RAB11FIP5: variants seen among roughly 807,000 people sequenced by gnomAD.
The protein encoded by RAB11FIP5 is rab11 family-interacting protein 5.
In RAB11FIP5, 48 loss-of-function variants were observed where a neutral mutation model predicts 85.1. The observed-to-expected ratio is 0.56, with a 90% confidence interval of 0.45 to 0.72. The LOEUF (loss-of-function observed/expected upper bound fraction) is 0.72, where lower values mean the gene tolerates loss of function less well. Ranked by LOEUF, RAB11FIP5 falls within the 30% of genes least tolerant of loss-of-function variation. The pLI is 0.00. For missense variants in RAB11FIP5, 1,491 were observed against 1,687.0 expected, an observed-to-expected ratio of 0.88 and a Z score of 2.04; for synonymous variants, 729 against 727.3, an observed-to-expected ratio of 1.00 and a Z score of -0.04.
Position 73,081,248 on chromosome 2 carries a change from G to T in RAB11FIP5, c.1984C>A (p.Pro662Thr), listed in dbSNP as rs1683972590. ...GCCAGGATCTCGCTCCTGGCCTCTG[G>T]ACGCAGCCTGCTGGCAGCAAAGACG... is the stretch of plus-strand genomic sequence containing the variant. ...FNVFAASRLR[P>T]EARSEILAPA... The change falls in exon 4 of 6, where the codon CCA (proline) becomes ACA (threonine). Residue 662 changes from proline to threonine, a missense_variant. Around this residue, in one of 3 missense-constraint regions of RAB11FIP5, gnomAD observed 1,211 missense variants for 1,338.0 expected, o/e 0.91. Coordinates refer to ENST00000486777, the MANE Select transcript of RAB11FIP5 (RefSeq NM_001371272.1). This position sits in a 1 kb window ranked among gnomAD's most constrained non-coding sequence, Gnocchi z 4.2. 2 of 1,232,340 alleles carry T rather than the reference G, an allele frequency of 1.6e-6. No homozygotes were observed. The highest frequency in any genetic ancestry group is 2.0e-6 in the Non-Finnish European group (2 of 988,150). 76.3% of individuals were successfully genotyped at this position (1,232,340 alleles called of 1,614,324 possible). A position where few individuals can be genotyped will look rare whatever the true frequency, so the allele number is the denominator to read the frequency against.
rs896533477 is a variant in RAB11FIP5, at chr2:73,075,947, C to T, written c.3771+46G>A. 1.7e-5 allele frequency: 27 copies of T among 1,579,128 alleles called. No individual in the cohort carries two copies. The highest frequency in any genetic ancestry group is 2.1e-5 in the Non-Finnish European group (24 of 1,158,234). ...TCACCAGGACCAAGCCCTGAGACTC[C>T]ACCACACATTCTGTCAGATGGCCCC... is the stretch of plus-strand genomic sequence containing the variant. On this transcript the variant is annotated intron_variant, in intron 5 of 5. Transcript: ENST00000486777. The surrounding 1 kb of genome is among the most constrained non-coding windows in gnomAD (Gnocchi z 4.6).
chr2:73,092,792 C>T (rs1241124674), intron 1 of RAB11FIP5, among the ~76,000 whole-genome samples: 2 of 152,154 alleles, frequency 1.3e-5, no homozygotes, highest in African/African-American at 2.4e-5. Flanking sequence ...TGGAGAATGG[C>T]CAGGACCTAC....
chr2:73,083,121 T>C (rs1253723947), intron 3 of RAB11FIP5, among the ~76,000 whole-genome samples: 2 of 152,216 alleles, frequency 1.3e-5, no homozygotes, highest in Non-Finnish European at 2.9e-5. Flanking sequence ...CAGTGAGTCC[T>C]GAAGGGGCAG....
Position 73,089,397 on chromosome 2 carries a change from C to A in RAB11FIP5, c.432-82G>T, listed in dbSNP as rs775901254. On this transcript the variant is annotated intron_variant, in intron 1 of 5. Transcript: ENST00000486777. This position sits in a 1 kb window ranked among gnomAD's most constrained non-coding sequence, Gnocchi z 4.6. ...CGCCCGGTACCAGGCACTGCCCAGA[C>A]CCCTCCTTGCTCTGAGAGCCACTGA... 6 of 1,419,906 alleles carry A rather than the reference C, an allele frequency of 4.2e-6. No homozygotes were observed. Among genetic ancestry groups the A allele is most frequent in the Non-Finnish European group, 5.9e-6 (6 of 1,014,924 alleles). The allele number at this position is 1,419,906 out of a possible 1,614,324, so 88.0% of individuals were successfully genotyped here.
In RAB11FIP5 at chr2:73,089,678, T is replaced by C; in HGVS notation, c.432-363A>G. ...TCTGAAACTCTGAGGCCCAGAGGGG[T>C]GAGGCTGGGCCTGGGAGAGCCCTCC... On this transcript the variant is annotated intron_variant, in intron 1 of 5. Coordinates refer to ENST00000486777, the MANE Select transcript of RAB11FIP5 (RefSeq NM_001371272.1). This position sits in a 1 kb window ranked among gnomAD's most constrained non-coding sequence, Gnocchi z 4.6. 2.7e-6 allele frequency: 1 copy of C among 365,008 alleles called. No individual in the cohort carries two copies. Among genetic ancestry groups the C allele is most frequent in the Non-Finnish European group, 5.3e-6 (1 of 189,288 alleles). 22.6% of individuals were successfully genotyped at this position (365,008 alleles called of 1,614,324 possible).
intron 1 of RAB11FIP5, among the ~76,000 whole-genome samples, chr2:73,101,797 G>A (rs1400897748): frequency 2.6e-5 from 4 of 152,176 alleles, no homozygotes; most frequent in African/African-American, 9.7e-5. Context: ...CTGACATCCT[G>A]ACAACCAGCC....
intron 3 of RAB11FIP5, among the ~76,000 whole-genome samples, chr2:73,084,945 G>A (rs1242877343): frequency 6.6e-6 from 1 of 152,190 alleles, no homozygotes; most frequent in African/African-American, 2.4e-5. Context: ...CCAAGAGACG[G>A]GTACATCCTC....
chr2:73,089,921 C>T lies in RAB11FIP5; in HGVS notation c.432-606G>A, dbSNP rs1297093970. 6.6e-6 allele frequency among the ~76,000 whole-genome samples: 1 copy of T among 151,480 alleles called. No individual in the cohort carries two copies. The highest frequency in any genetic ancestry group is 1.5e-5 in the Non-Finnish European group (1 of 67,924). On this transcript the variant is annotated intron_variant, in intron 1 of 5. Coordinates refer to ENST00000486777, the MANE Select transcript of RAB11FIP5 (RefSeq NM_001371272.1). This position sits in a 1 kb window ranked among gnomAD's most constrained non-coding sequence, Gnocchi z 4.6. ...CACACACACACACACACACACCTCA[C>T]TCACACACTGACTCACCCCAAGCCC...
In RAB11FIP5 at chr2:73,088,119, C is replaced by T; in HGVS notation, c.1499G>A (p.Ser500Asn). The change falls in exon 3 of 6, where the codon AGT (serine) becomes AAT (asparagine). Residue 500 changes from serine to asparagine, a missense_variant. Ser to Asn is a conservative substitution (Grantham distance 46). This residue lies in a region of RAB11FIP5 where 1,211 missense variants were observed against 1,338.0 expected (regional missense o/e 0.91). Coordinates refer to ENST00000486777, the MANE Select transcript of RAB11FIP5 (RefSeq NM_001371272.1). ...ILGASPHHSS[S>N]GEEKAKSSWF... is the part of the protein sequence containing the mutation. The stretch of plus-strand genomic sequence containing the variant: ...GCTACTCTTGGCCTTTTCCTCCCCA[C>T]TGGATGAGTGATGTGGGGAGGCCCC... The T allele has an allele frequency of 6.2e-7, 1 of 1,614,016 alleles. No homozygotes were observed. Among genetic ancestry groups the T allele is most frequent in the East Asian group, 2.2e-5 (1 of 44,868 alleles).
In RAB11FIP5 at chr2:73,076,295, G is replaced by A. The variant is rs964249084; in HGVS notation, c.3582-113C>T. On this transcript the variant is annotated intron_variant, in intron 4 of 5. Transcript: ENST00000486777. ...TCTGCTGGACAGAAAGCCCAGCACT[G>A]GGTGGTAGCTGCCCCTACAGAGTCA... is the stretch of plus-strand genomic sequence containing the variant. 5.9e-6 allele frequency: 6 copies of A among 1,024,342 alleles called. 1 individual carries two copies. The South Asian group carries it at 6.0e-5, about 10-fold the overall frequency. 63.5% of individuals were successfully genotyped at this position (1,024,342 alleles called of 1,614,324 possible).
Position 73,088,231 on chromosome 2 carries a change from C to A in RAB11FIP5, c.1387G>T (p.Gly463Cys). ...CCTTGGTGGTGGTGGTGGAAGAGAC[C>A]CATCCGGGGCTTGCGTTCCTCCTTC... is the stretch of plus-strand genomic sequence containing the variant. ...ARKEERKPRM[G>C]LFHHHHQGLS... Residue 463 changes from glycine (G) to cysteine (C), a missense_variant, in exon 3 of 6, where the codon GGT (glycine) becomes TGT (cysteine). Around this residue, in one of 3 missense-constraint regions of RAB11FIP5, gnomAD observed 1,211 missense variants for 1,338.0 expected, o/e 0.91. Coordinates refer to ENST00000486777, the MANE Select transcript of RAB11FIP5 (RefSeq NM_001371272.1). The A allele has an allele frequency of 6.2e-7, 1 of 1,613,910 alleles. No individual in the cohort carries two copies. The highest frequency in any genetic ancestry group is 2.2e-5 in the East Asian group (1 of 44,880).
At chr2:73,094,042 A>C (rs1301335218) in intron 1 of RAB11FIP5, among the ~76,000 whole-genome samples, 1 of 149,478 alleles carries the variant, frequency 6.7e-6, no homozygotes, top group Admixed American at 6.8e-5. Flanking sequence ...AATCACTTGA[A>C]CCTGGGAAGC....
At position 73,089,402 on chromosome 2, in the gene RAB11FIP5, C is replaced by A; in HGVS notation, c.432-87G>T. The A allele has an allele frequency of 7.2e-7, 1 of 1,398,528 alleles. No individual in the cohort carries two copies. Among genetic ancestry groups the A allele is most frequent in the Non-Finnish European group, 1.0e-6 (1 of 995,568 alleles). The allele number at this position is 1,398,528 out of a possible 1,614,324, so 86.6% of individuals were successfully genotyped here. On this transcript the variant is annotated intron_variant, in intron 1 of 5. Coordinates refer to ENST00000486777, the MANE Select transcript of RAB11FIP5 (RefSeq NM_001371272.1). This position sits in a 1 kb window ranked among gnomAD's most constrained non-coding sequence, Gnocchi z 4.6. Reference sequence around the variant, plus strand: ...GGTACCAGGCACTGCCCAGACCCCTCCTTGCTCTGAGAGCCACTGATAGCC... The same window carrying A: ...GGTACCAGGCACTGCCCAGACCCCTACTTGCTCTGAGAGCCACTGATAGCC...
chr2:73,086,455 T>G lies in RAB11FIP5; in HGVS notation c.1568+1595A>C, dbSNP rs1323727581. ...GTGACAACCCCACAGACTCACAGCC[T>G]GTGGGAGTCCAAGCCCAAAGCCTGG... On this transcript the variant is annotated intron_variant, in intron 3 of 5. Coordinates refer to ENST00000486777, the MANE Select transcript of RAB11FIP5 (RefSeq NM_001371272.1). The surrounding 1 kb of genome is among the most constrained non-coding windows in gnomAD (Gnocchi z 4.4). Among the ~76,000 whole-genome samples the G allele has an allele frequency of 6.6e-6, 1 of 152,192 alleles. No individual in the cohort carries two copies. The highest frequency in any genetic ancestry group is 1.5e-5 in the Non-Finnish European group (1 of 68,030).
chr2:73,088,481 C>G lies in RAB11FIP5; in HGVS notation c.1137G>C (p.Gly379=). The G allele has an allele frequency of 6.2e-7, 1 of 1,613,974 alleles. No homozygotes were observed. Among genetic ancestry groups the G allele is most frequent in the Non-Finnish European group, 8.5e-7 (1 of 1,180,050 alleles). The change falls in exon 3 of 6, where the codon GGG becomes GGC. Residue 379 remains glycine (G), a synonymous_variant. Transcript: ENST00000486777. ...QAVSSRFSEE[G]PRSTDDTWPR... ...GCCAGGTGTCATCTGTGGAACGAGG[C>G]CCCTCCTCGGAGAACCGGGAAGAGA...
At chr2:73,098,492 C>T (rs1285466394) in intron 1 of RAB11FIP5, among the ~76,000 whole-genome samples, 7 of 152,198 alleles carry the variant, frequency 4.6e-5, no homozygotes, top group South Asian at 2.1e-4. Flanking sequence ...ACACGAGCAT[C>T]GGCTCTCACA....
intron 1 of RAB11FIP5, among the ~76,000 whole-genome samples, chr2:73,091,831 T>C (rs1684218671): frequency 6.6e-6 from 1 of 152,150 alleles, no homozygotes; most frequent in Non-Finnish European, 1.5e-5. Context: ...GGCCTGAGCC[T>C]AGACTTTGGT....
intron 3 of RAB11FIP5, among the ~76,000 whole-genome samples, chr2:73,082,115 A>G (rs1683996613): frequency 6.8e-6 from 1 of 147,100 alleles, no homozygotes; most frequent in African/African-American, 2.6e-5. Flanking sequence ...GGCTCACTGC[A>G]ACTTCTGCCT....
In RAB11FIP5 at chr2:73,081,555, G is replaced by A; in HGVS notation, c.1677C>T (p.Pro559=). Residue 559 remains proline (P), a synonymous_variant, in exon 4 of 6, where the codon CCC becomes CCT. Coordinates refer to ENST00000486777, the MANE Select transcript of RAB11FIP5 (RefSeq NM_001371272.1). The surrounding 1 kb of genome is among the most constrained non-coding windows in gnomAD (Gnocchi z 4.2). ...CTGCAAAAAGGTTAGTGCTTAGCAT[G>A]GGAGCAGCAGTGGGAGCAGGAGTGG... The part of the protein sequence containing the change: ...APPTPAPTAA[P]MLSTNLFAAA... The A allele has an allele frequency of 3.3e-6, 4 of 1,208,696 alleles. No homozygotes were observed. Among genetic ancestry groups the A allele is most frequent in the Non-Finnish European group, 4.1e-6 (4 of 966,478 alleles). The allele number at this position is 1,208,696 out of a possible 1,614,324, so 74.9% of individuals were successfully genotyped here. A position where few individuals can be genotyped will look rare whatever the true frequency, so the allele number is the denominator to read the frequency against.
Sources: gnomAD v4.1 joint callset for allele counts (sites outside exome capture counted in the v4.1 genomes callset) on GRCh38, gnomAD v4.1.1 for gene constraint, gnomAD v4.1.1 regional missense constraint, Gnocchi (gnomAD v3.1) non-coding constraint, MANE v1.5 for transcripts, NCBI Gene and HGNC (gene_info 2026-07-23, HGNC 2026-07-21) for gene names.